The following PSD4 variants were observed in gnomAD, a reference collection of about 807,000 sequenced individuals.
PSD4 encodes PH and SEC7 domain-containing protein 4.
PSD4 carries 59 observed loss-of-function variants against 112.5 expected under a neutral mutation model. The ratio of observed to expected loss-of-function variants is 0.52; its 90% confidence interval spans 0.43 to 0.65. PSD4 has a LOEUF of 0.65. Among genes scored for constraint, PSD4 ranks in the 30% least tolerant of loss-of-function variants. The pLI is 0.00. For synonymous variants in PSD4, 533 were observed against 540.0 expected, an observed-to-expected ratio of 0.99 and a Z score of 0.18; for missense variants, 1,267 against 1,352.6, an observed-to-expected ratio of 0.94 and a Z score of 0.99.
At position 113,183,338 on chromosome 2, in the gene PSD4, C is replaced by T. The variant is rs1688204222; in HGVS notation, c.882C>T (p.Asp294=). ...CTCTGGAGCCTCCCCTCCCAGAAGACACAGTGCTGTGGGAGCTGGAAAGTG... is the reference window on the plus strand; with the variant it reads ...CTCTGGAGCCTCCCCTCCCAGAAGATACAGTGCTGTGGGAGCTGGAAAGTG... ...PATLEPPLPE[D]TVLWELESEP... The change falls in exon 2 of 17, where the codon GAC becomes GAT. Residue 294 remains aspartate (D), a synonymous_variant. Transcript: ENST00000245796. 1 of 1,601,876 alleles carries T rather than the reference C, an allele frequency of 6.2e-7. No homozygotes were observed. Among genetic ancestry groups the T allele is most frequent in the Non-Finnish European group, 8.5e-7 (1 of 1,173,218 alleles).
intron 5 of PSD4, among the ~76,000 whole-genome samples, chr2:113,192,153 C>T (rs948525694): frequency 4.0e-5 from 6 of 151,856 alleles, no homozygotes; most frequent in Admixed American, 2.0e-4. Flanking sequence ...CCTGAGAAAG[C>T]GCAGGACCCC....
chr2:113,208,280 T>C lies in PSD4; in HGVS notation c.*6865T>C, dbSNP rs1428288236. ...CAAGATAGTTTCTGGAAGAAGTCTCTAAATCTAAGCCTTCAACTCTCATCT... is the reference window on the plus strand; with the variant it reads ...CAAGATAGTTTCTGGAAGAAGTCTCCAAATCTAAGCCTTCAACTCTCATCT... On this transcript the variant is annotated 3_prime_UTR_variant, in exon 17 of 17. Coordinates refer to ENST00000245796, the MANE Select transcript of PSD4 (RefSeq NM_012455.3). 1.3e-5 allele frequency: 2 copies of C among 152,252 alleles called. No individual in the cohort carries two copies. The allele number at this position is 152,252 out of a possible 1,614,324, so 9.4% of individuals were successfully genotyped here. A position where few individuals can be genotyped will look rare whatever the true frequency, so the allele number is the denominator to read the frequency against.
intron 1 of PSD4, chr2:113,175,341 TTC>T (rs35717716): frequency 2.8e-4 from 41 of 148,010 alleles, no homozygotes; most frequent in Non-Finnish European, 3.7e-4. Flanking sequence ...TAGCACTGTC[TTC>T]TCTCTCTCTC....
intron 12 of PSD4, chr2:113,197,277 T>G: frequency 6.6e-6 from 3 of 451,628 alleles, no homozygotes; most frequent in Non-Finnish European, 1.2e-5. Context: ...AGTGGGTGTG[T>G]GTTTGGAGTT....
In PSD4 at chr2:113,183,226, C is replaced by A. The variant is rs1173017282; in HGVS notation, c.770C>A (p.Ser257Ter). 1 of 1,614,210 alleles carries A rather than the reference C, an allele frequency of 6.2e-7. No individual in the cohort carries two copies. Among genetic ancestry groups the A allele is most frequent in the Non-Finnish European group, 8.5e-7 (1 of 1,180,042 alleles). ...CCCCTCTTCCTGGCGAGTCCTTGCTCAGAGAACAGTGCTTCTGGAGAGTGC... is the reference window on the plus strand; with the variant it reads ...CCCCTCTTCCTGGCGAGTCCTTGCTAAGAGAACAGTGCTTCTGGAGAGTGC... ...SNPLFLASPC[S>*]ENSASGECFS... The change falls in exon 2 of 17, where the codon TCA (serine) becomes TAA (stop). Residue 257 changes from serine (S) to a stop codon, truncating the protein, a stop_gained. Coordinates refer to ENST00000245796, the MANE Select transcript of PSD4 (RefSeq NM_012455.3). LOFTEE classifies it high-confidence loss of function.
rs1688907760 is a variant in PSD4, at chr2:113,209,236, C to T, written c.*7821C>T. 3 of 152,220 alleles carry T rather than the reference C, an allele frequency of 2.0e-5. No homozygotes were observed. The highest frequency in any genetic ancestry group is 2.0e-4 in the Admixed American group (3 of 15,280). The allele number at this position is 152,220 out of a possible 1,614,324, so 9.4% of individuals were successfully genotyped here. ...CAACTTTACAGCCGCCTACGGCCTG[C>T]TATACCACCCATGGCATAGTTTCTG... On this transcript the variant is annotated 3_prime_UTR_variant, in exon 17 of 17. Transcript: ENST00000245796.
chr2:113,189,129 A>T (rs986437934), intron 5 of PSD4, among the ~76,000 whole-genome samples: 1 of 152,138 alleles, frequency 6.6e-6, no homozygotes, highest in East Asian at 1.9e-4. Flanking sequence ...CTCATAGCTT[A>T]GTTCCCACTT....
intron 1 of PSD4, among the ~76,000 whole-genome samples, chr2:113,178,267 A>G (rs572592785): frequency 3.3e-5 from 5 of 151,516 alleles, no homozygotes; most frequent in Non-Finnish European, 7.4e-5. Flanking sequence ...CCCACTGAAT[A>G]CCTGATCTGT....
At chr2:113,190,405 C>T (rs1688413187) in intron 5 of PSD4, among the ~76,000 whole-genome samples, 1 of 152,044 alleles carries the variant, frequency 6.6e-6, no homozygotes. Flanking sequence ...GTGAATTGGG[C>T]GGTATGTGAA....
chr2:113,175,743 C>T (rs1376913558), intron 1 of PSD4, among the ~76,000 whole-genome samples: 2 of 152,192 alleles, frequency 1.3e-5, no homozygotes, highest in African/African-American at 4.8e-5. Flanking sequence ...GGGCTGACTC[C>T]TTGAGGAGGC....
At position 113,195,896 on chromosome 2, in the gene PSD4, C is replaced by A. The variant is rs554898434; in HGVS notation, c.2225+126C>A. The stretch of plus-strand genomic sequence containing the variant: ...GTGCTCCCCTTGGAGTGAGGCAAAG[C>A]CAGAGGCAGGGCTCTGGGGAGAGAG... On this transcript the variant is annotated intron_variant, in intron 11 of 16. Transcript: ENST00000245796. 79 of 1,346,904 alleles carry A rather than the reference C, an allele frequency of 5.9e-5. No individual in the cohort carries two copies. The East Asian group carries it at 1.9e-3, about 32-fold the overall frequency. The allele number at this position is 1,346,904 out of a possible 1,614,324, so 83.4% of individuals were successfully genotyped here.
At chr2:113,192,672 C>G (rs760026922) in intron 6 of PSD4, 83 bp downstream of exon 6, 16 of 1,413,246 alleles carry the variant, frequency 1.1e-5, no homozygotes, top group Non-Finnish European at 1.5e-5. Flanking sequence ...ACTGGCCACC[C>G]TCCCCTTCCC....
Position 113,201,596 on chromosome 2 carries a change from A to C in PSD4, c.*181A>C. ...TTGTGCTCCCTGAAGCTTTCCTAAT[A>C]TTGCTGTGCTCCCCACCACCCCCAT... On this transcript the variant is annotated 3_prime_UTR_variant, in exon 17 of 17. Coordinates refer to ENST00000245796, the MANE Select transcript of PSD4 (RefSeq NM_012455.3). 2.3e-6 allele frequency: 2 copies of C among 857,590 alleles called. No individual in the cohort carries two copies. Among genetic ancestry groups the C allele is most frequent in the Non-Finnish European group, 3.5e-6 (2 of 570,566 alleles). 53.1% of individuals were successfully genotyped at this position (857,590 alleles called of 1,614,324 possible).
rs775610760 is a variant in PSD4, at chr2:113,185,415, G to A, written c.1224G>A (p.Gln408=). Residue 408 remains glutamine (Q), a synonymous_variant, in exon 4 of 17, where the codon CAG becomes CAA. Transcript: ENST00000245796. The part of the protein sequence containing the change: ...GWQRGGPFWP[Q]VTLNSQDRDE... ...AGAGAGGAGGTCCTTTTTGGCCCCA[G>A]GTGACTCTTAACTCCCAGGACAGAG... The A allele has an allele frequency of 1.9e-6, 3 of 1,614,026 alleles. No individual in the cohort carries two copies. The highest frequency in any genetic ancestry group is 2.7e-5 in the African/African-American group (2 of 74,924).
intron 5 of PSD4, among the ~76,000 whole-genome samples, chr2:113,190,499 A>G (rs1386658889): frequency 6.6e-6 from 1 of 152,192 alleles, no homozygotes; most frequent in Admixed American, 6.5e-5. Context: ...GTGAGGTACA[A>G]TCATGAATCA....
In PSD4 at chr2:113,193,245, C is replaced by A; in HGVS notation, c.1920-13C>A. The A allele has an allele frequency of 6.3e-7, 1 of 1,579,250 alleles. No individual in the cohort carries two copies. Among genetic ancestry groups the A allele is most frequent in the Non-Finnish European group, 8.6e-7 (1 of 1,163,514 alleles). On this transcript the variant is annotated splice_polypyrimidine_tract_variant and intron_variant, in intron 7 of 16. Transcript: ENST00000245796. ...TCCCGGGCTCTCTCCTTGACCCTGG[C>A]CCTCCTTTGCAGGAGCTTCCTCCAG... is the stretch of plus-strand genomic sequence containing the variant.
At chr2:113,200,031 G>T (rs1257626128) in intron 16 of PSD4, among the ~76,000 whole-genome samples, 1 of 152,106 alleles carries the variant, frequency 6.6e-6, no homozygotes, top group Non-Finnish European at 1.5e-5. Flanking sequence ...TCACCATGTT[G>T]GCAAAGCTGG....
chr2:113,201,074 C>T, intron 16 of PSD4, 84 bp from the exon 17 acceptor site: 1 of 1,515,414 alleles, frequency 6.6e-7, no homozygotes. Flanking sequence ...GCTTCATGTA[C>T]CTGTGAGCTG....
Position 113,201,557 on chromosome 2 carries a change from T to C in PSD4, c.*142T>C. 8.3e-7 allele frequency: 1 copy of C among 1,201,524 alleles called. No homozygotes were observed. Among genetic ancestry groups the C allele is most frequent in the Non-Finnish European group, 1.2e-6 (1 of 868,184 alleles). 74.4% of individuals were successfully genotyped at this position (1,201,524 alleles called of 1,614,324 possible). On this transcript the variant is annotated 3_prime_UTR_variant, in exon 17 of 17. Transcript: ENST00000245796. ...TGCTGAAGGACAAACCTTGTTTCCCTGTGGCCCTCATTCTTGTGCTCCCTG... is the reference window on the plus strand; with the variant it reads ...TGCTGAAGGACAAACCTTGTTTCCCCGTGGCCCTCATTCTTGTGCTCCCTG...
Sources: gnomAD v4.1 joint callset for allele counts (sites outside exome capture counted in the v4.1 genomes callset) on GRCh38, gnomAD v4.1.1 for gene constraint, MANE v1.5 for transcripts, NCBI Gene and HGNC (gene_info 2026-07-23, HGNC 2026-07-21) for gene names.